The following MAP3K5 variants were observed in gnomAD, a reference collection of about 807,000 sequenced individuals.
MAP3K5 encodes the protein mitogen-activated protein kinase kinase kinase 5.
Under a neutral mutation model 158.7 loss-of-function variants are expected in MAP3K5, and 56 were observed. The ratio of observed to expected loss-of-function variants is 0.35; its 90% confidence interval spans 0.28 to 0.44. The LOEUF (loss-of-function observed/expected upper bound fraction) is 0.44. MAP3K5 is among the 20% of genes least tolerant of loss of function. The pLI is 1.00. For missense variants in MAP3K5, 1,294 were observed against 1,674.8 expected, an observed-to-expected ratio of 0.77 and a Z score of 3.97; for synonymous variants, 579 against 601.7, an observed-to-expected ratio of 0.96 and a Z score of 0.55.
intron 25 of MAP3K5, among the ~76,000 whole-genome samples, chr6:136,573,154 A>G (rs1170185547): frequency 6.6e-6 from 1 of 152,246 alleles, no homozygotes; most frequent in Non-Finnish European, 1.5e-5. Flanking sequence ...AATAAAGAAG[A>G]TGGCCCTCTC....
intron 2 of MAP3K5, among the ~76,000 whole-genome samples, chr6:136,706,016 G>A (rs555025502): frequency 1.3e-5 from 2 of 152,298 alleles, no homozygotes; most frequent in East Asian, 3.9e-4. Context: ...CCAGCACTTT[G>A]GGAGGTGGAG....
intron 7 of MAP3K5, among the ~76,000 whole-genome samples, chr6:136,678,985 C>T (rs980725945): frequency 6.6e-6 from 1 of 151,886 alleles, no homozygotes; most frequent in Admixed American, 6.6e-5. Flanking sequence ...CTCGGCCTCC[C>T]GAAGTGCTGC....
intron 1 of MAP3K5, among the ~76,000 whole-genome samples, chr6:136,743,366 C>G (rs1782795700): frequency 6.6e-6 from 1 of 152,088 alleles, no homozygotes; most frequent in Non-Finnish European, 1.5e-5. Flanking sequence ...AGGAGAATGG[C>G]ATGAACCCGG....
chr6:136,726,599 A>G (rs1181130014), intron 1 of MAP3K5, among the ~76,000 whole-genome samples: 1 of 152,188 alleles, frequency 6.6e-6, no homozygotes, highest in East Asian at 1.9e-4. Flanking sequence ...CCTCAAAAAA[A>G]AAAAGAATAC....
At chr6:136,777,629 ATAAAG>A (rs1051919254) in intron 1 of MAP3K5, among the ~76,000 whole-genome samples, 1 of 152,258 alleles carries the variant, frequency 6.6e-6, no homozygotes, top group African/African-American at 2.4e-5. Context: ...GAAATGTTAT[ATAAAG>A]TATACATTCA....
Position 136,601,007 on chromosome 6 carries a change from T to A in MAP3K5, c.2878+15A>T. On this transcript the variant is annotated intron_variant, in intron 21 of 29. Transcript: ENST00000359015. ...CCAGGTCTCAGCTCAATGGGCAAAGTAAAAACAAACTCACCATTTGATCCA... is the reference window on the plus strand; with the variant it reads ...CCAGGTCTCAGCTCAATGGGCAAAGAAAAAACAAACTCACCATTTGATCCA... The A allele has an allele frequency of 1.2e-6, 2 of 1,613,544 alleles. No individual in the cohort carries two copies. The highest frequency in any genetic ancestry group is 8.5e-7 in the Non-Finnish European group (1 of 1,179,872).
In MAP3K5 at chr6:136,613,114, C is replaced by T. The variant is rs1166426434; in HGVS notation, c.2415+6G>A. The stretch of plus-strand genomic sequence containing the variant: ...ACTCATGAAAATGAATGCTGGTGTA[C>T]CTCACCTTTATGTCCCGGTGAACTA... On this transcript the variant is annotated splice_donor_region_variant and intron_variant, in intron 17 of 29. Coordinates refer to ENST00000359015, the MANE Select transcript of MAP3K5 (RefSeq NM_005923.4). The surrounding 1 kb of genome is among the most constrained non-coding windows in gnomAD (Gnocchi z 4.0). 2 of 1,598,886 alleles carry T rather than the reference C, an allele frequency of 1.3e-6. No individual in the cohort carries two copies. The highest frequency in any genetic ancestry group is 1.7e-6 in the Non-Finnish European group (2 of 1,173,816).
intron 1 of MAP3K5, among the ~76,000 whole-genome samples, chr6:136,781,186 G>A (rs906010071): frequency 1.1e-4 from 17 of 152,184 alleles, no homozygotes; most frequent in African/African-American, 3.4e-4. Context: ...GCTAGTTTTG[G>A]TCTATCGCAG....
intron 7 of MAP3K5, among the ~76,000 whole-genome samples, chr6:136,692,279 C>T (rs1216301596): frequency 6.6e-6 from 1 of 152,024 alleles, no homozygotes; most frequent in Non-Finnish European, 1.5e-5. Flanking sequence ...TGTTCTCCTC[C>T]TCTTAAGAGT....
chr6:136,713,541 T>C (rs1781402110), intron 2 of MAP3K5, among the ~76,000 whole-genome samples: 1 of 152,210 alleles, frequency 6.6e-6, no homozygotes. Context: ...AAATAAATCA[T>C]TCATCTAGCT....
Position 136,720,435 on chromosome 6 carries a change from A to C in MAP3K5, c.588+15T>G, listed in dbSNP as rs754018337. 15 of 1,573,748 alleles carry C rather than the reference A, an allele frequency of 9.5e-6. No individual in the cohort carries two copies. Among genetic ancestry groups the C allele is most frequent in the Non-Finnish European group, 1.3e-5 (15 of 1,162,224 alleles). Reference sequence around the variant, plus strand: ...CTGATGTTAAAATGAAACATTCAGTAAACAAGGGAGGTACCTTCAGTGACT... The same window carrying C: ...CTGATGTTAAAATGAAACATTCAGTCAACAAGGGAGGTACCTTCAGTGACT... On this transcript the variant is annotated intron_variant, in intron 2 of 29. Transcript: ENST00000359015.
Position 136,567,620 on chromosome 6 carries a change from G to A in MAP3K5, c.3761+11C>T, listed in dbSNP as rs1490189752. 6.2e-7 allele frequency: 1 copy of A among 1,611,418 alleles called. No homozygotes were observed. Among genetic ancestry groups the A allele is most frequent in the Non-Finnish European group, 8.5e-7 (1 of 1,178,228 alleles). ...AGAAAAGAAACCAACCCACGTCAGTGTAGGACTTACCTATTGGTTTCTATT... is the reference window on the plus strand; with the variant it reads ...AGAAAAGAAACCAACCCACGTCAGTATAGGACTTACCTATTGGTTTCTATT... On this transcript the variant is annotated intron_variant, in intron 26 of 29. Transcript: ENST00000359015.
chr6:136,730,136 T>A (rs34599441), intron 1 of MAP3K5, among the ~76,000 whole-genome samples: 11,834 of 147,558 alleles, frequency 0.08, 1,533 homozygotes, highest in African/African-American at 0.28. Flanking sequence ...CCATACCTGT[T>A]TTTTTGTTGT....
chr6:136,644,291 AAGG>A (rs1241310879), intron 11 of MAP3K5, among the ~76,000 whole-genome samples: 4 of 152,158 alleles, frequency 2.6e-5, no homozygotes, highest in Non-Finnish European at 5.9e-5. Context: ...TGGAAGGTGG[AAGG>A]AGGCCTCCCT....
chr6:136,684,217 A>C (rs1288860507), intron 7 of MAP3K5, among the ~76,000 whole-genome samples: 1 of 151,514 alleles, frequency 6.6e-6, no homozygotes, highest in East Asian at 1.9e-4. Context: ...ACCCTATCTC[A>C]ATTTTTTTTT....
chr6:136,694,453 T>C (rs944602876), intron 6 of MAP3K5, 143 bp from the exon 7 acceptor site: 22 of 661,790 alleles, frequency 3.3e-5, no homozygotes, highest in Non-Finnish European at 5.0e-5. Flanking sequence ...GAGTCCTCTG[T>C]AAACCTCTGT....
chr6:136,767,492 G>A (rs1213808430), intron 1 of MAP3K5, among the ~76,000 whole-genome samples: 1 of 151,994 alleles, frequency 6.6e-6, no homozygotes, highest in East Asian at 1.9e-4. Context: ...CTGAAAACCT[G>A]AAAACTGCAA....
At chr6:136,636,701 G>T in intron 14 of MAP3K5, 1 of 403,932 alleles carries the variant, frequency 2.5e-6, no homozygotes. Flanking sequence ...CTAGTGCTTT[G>T]GGAGGCCGAG....
chr6:136,564,003 T>G (rs1184793048), intron 26 of MAP3K5, among the ~76,000 whole-genome samples: 1 of 152,196 alleles, frequency 6.6e-6, no homozygotes. Context: ...CTTCCTGTGT[T>G]AACCTTAGAT....
Sources: allele counts gnomAD v4.1 joint callset (sites outside exome capture counted in the v4.1 genomes callset), GRCh38; gene constraint gnomAD v4.1.1; non-coding constraint Gnocchi (gnomAD v3.1); transcripts MANE v1.5; gene names NCBI Gene and HGNC (gene_info 2026-07-23, HGNC 2026-07-21).